KMT2C: variants seen among roughly 807,000 people sequenced by gnomAD.
KMT2C encodes the protein lysine methyltransferase 2C, also known as histone-lysine N-methyltransferase 2C.
Under a neutral mutation model 507.9 loss-of-function variants are expected in KMT2C, and 88 were observed. The ratio of observed to expected loss-of-function variants is 0.17; its 90% CI spans 0.15 to 0.21. The LOEUF is 0.21. Ranked by LOEUF, KMT2C falls within the 10% of genes least tolerant of loss-of-function variation. The probability of loss-of-function intolerance (pLI) is 1.00; values close to 1 mark genes in which losing one functional copy is unlikely to be tolerated. For missense variants in KMT2C, 4,954 were observed against 5,957.8 expected, an observed-to-expected ratio of 0.83 and a Z score of 5.55; for synonymous variants, 2,049 against 2,080.8, an observed-to-expected ratio of 0.98 and a Z score of 0.42.
At chr7:152,280,321 T>A (rs1371718446) in intron 6 of KMT2C, among the ~76,000 whole-genome samples, 1 of 151,494 alleles carries the variant, frequency 6.6e-6, no homozygotes, top group East Asian at 1.9e-4. Flanking sequence ...GGCAGGCGGA[T>A]CACGAGGTCA....
intron 23 of KMT2C, among the ~76,000 whole-genome samples, chr7:152,217,519 C>G (rs1025018051): frequency 5.9e-5 from 9 of 152,160 alleles, no homozygotes; most frequent in African/African-American, 1.9e-4. Flanking sequence ...AGGGACTAGT[C>G]ATGAAAATGC....
intron 2 of KMT2C, among the ~76,000 whole-genome samples, chr7:152,351,654 A>G (rs549364587): frequency 1.2e-4 from 19 of 152,336 alleles, no homozygotes; most frequent in Admixed American, 6.5e-4. Context: ...TAAATTGTGA[A>G]GATTTCACAG....
In KMT2C at chr7:152,182,078, G is replaced by A; in HGVS notation, c.5782C>T (p.Pro1928Ser). ...NSAAPVENCT[P>S]LSSVSRPLQM... Reference sequence around the variant, plus strand: ...AGGGGCCTAGATACCGATGATAAAGGTGTACAGTTTTCCACTGGTGCAGCA... The same window carrying A: ...AGGGGCCTAGATACCGATGATAAAGATGTACAGTTTTCCACTGGTGCAGCA... Residue 1928 changes from proline to serine, a missense_variant, in exon 36 of 59, where the codon CCT (proline) becomes TCT (serine). Transcript: ENST00000262189. 1.2e-6 allele frequency: 2 copies of A among 1,614,194 alleles called. No individual in the cohort carries two copies. The highest frequency in any genetic ancestry group is 1.3e-5 in the African/African-American group (1 of 75,036).
chr7:152,142,258 T>C (rs571328929), intron 55 of KMT2C, among the ~76,000 whole-genome samples: 9 of 152,204 alleles, frequency 5.9e-5, no homozygotes, highest in African/African-American at 1.7e-4. Flanking sequence ...CACTTGCTGG[T>C]AGGCAAAGGA....
chr7:152,303,671 C>A (rs62495467), intron 6 of KMT2C, among the ~76,000 whole-genome samples: 1 of 152,050 alleles, frequency 6.6e-6, no homozygotes, highest in Non-Finnish European at 1.5e-5. Flanking sequence ...CAAACAAACG[C>A]TGCAGATGTT....
intron 3 of KMT2C, among the ~76,000 whole-genome samples, chr7:152,320,043 CTT>C (rs1310543309): frequency 6.6e-6 from 1 of 152,024 alleles, no homozygotes; most frequent in Non-Finnish European, 1.5e-5. Flanking sequence ...GCCCAGCTGT[CTT>C]TTCTTTTATC....
At chr7:152,315,110 T>C (rs773537302) in intron 4 of KMT2C, 28 bp downstream of exon 4, 5 of 1,573,718 alleles carry the variant, frequency 3.2e-6, no homozygotes, top group Non-Finnish European at 4.4e-6. Flanking sequence ...CTTAATCTAT[T>C]CCAACATTTA....
Position 152,187,862 on chromosome 7 carries a change from A to AC in KMT2C, c.4661-16_4661-15insG. On this transcript the variant is annotated splice_polypyrimidine_tract_variant and intron_variant, in intron 31 of 58. Coordinates refer to ENST00000262189, the MANE Select transcript of KMT2C (RefSeq NM_170606.3). ...TGAAAAAGCATCTTCAGAGAAAAAA[A>AC]TAATTCCGTTGGCATGATATTCACA... The AC allele has an allele frequency of 6.2e-7, 1 of 1,612,856 alleles. No homozygotes were observed. Among genetic ancestry groups the AC allele is most frequent in the East Asian group, 2.2e-5 (1 of 44,850 alleles).
In KMT2C at chr7:152,137,075, G is replaced by A. The variant is rs182850642; in HGVS notation, c.14644-151C>T. On this transcript the variant is annotated intron_variant, in intron 58 of 58. Coordinates refer to ENST00000262189, the MANE Select transcript of KMT2C (RefSeq NM_170606.3). ...ATTGAGGTTCCATGGGACCCTGGGG[G>A]AACCCTGAAAAGAGGCATTGTGCTT... The A allele has an allele frequency of 4.9e-3, 3,057 of 625,458 alleles. 20 individuals are homozygous for A. The highest frequency in any genetic ancestry group is 6.7e-3 in the Non-Finnish European group (2,365 of 353,524). The allele number at this position is 625,458 out of a possible 1,614,324, so 38.7% of individuals were successfully genotyped here. A position where few individuals can be genotyped will look rare whatever the true frequency, so the allele number is the denominator to read the frequency against.
At position 152,427,092 on chromosome 7, in the gene KMT2C, T is replaced by C. The variant is rs188984066; in HGVS notation, c.161+8534A>G. ...GTGCAATGGCACGATTTCAGCTCAC[T>C]GCAAACTCTGCCACCCAGGTTCAAG... On this transcript the variant is annotated intron_variant, in intron 1 of 58. Coordinates refer to ENST00000262189, the MANE Select transcript of KMT2C (RefSeq NM_170606.3). 2.2e-3 allele frequency among the ~76,000 whole-genome samples: 336 copies of C among 152,180 alleles called. 3 individuals carry two copies. The highest frequency in any genetic ancestry group is 0.01 in the Middle Eastern group (3 of 294).
chr7:152,297,819 A>C (rs924226954), intron 6 of KMT2C, among the ~76,000 whole-genome samples: 4 of 152,228 alleles, frequency 2.6e-5, no homozygotes, highest in African/African-American at 9.6e-5. Flanking sequence ...AGCAGCAGAC[A>C]ATCATGATGC....
intron 9 of KMT2C, among the ~76,000 whole-genome samples, chr7:152,257,964 T>C (rs2095689426): frequency 6.6e-6 from 1 of 152,172 alleles, no homozygotes; most frequent in East Asian, 1.9e-4. Flanking sequence ...GGACCACATG[T>C]AGCCTGCGGG....
chr7:152,195,655 C>G (rs2093939595), intron 28 of KMT2C: 1 of 581,124 alleles, frequency 1.7e-6, no homozygotes, highest in South Asian at 7.7e-5. Context: ...AAAAAAGATA[C>G]AGCAAGACTT....
chr7:152,418,695 G>T (rs1421166305), intron 1 of KMT2C, among the ~76,000 whole-genome samples: 1 of 152,134 alleles, frequency 6.6e-6, no homozygotes, highest in Non-Finnish European at 1.5e-5. Context: ...CTCCCAAAGG[G>T]CTGGGATTAC....
chr7:152,297,051 A>AAG (rs1356233143), intron 6 of KMT2C, among the ~76,000 whole-genome samples: 4 of 60,240 alleles, frequency 6.6e-5, no homozygotes, highest in East Asian at 8.8e-4. Flanking sequence ...GAAAGAAAGA[A>AAG]AGACAGAGAG....
At chr7:152,298,864 G>A (rs181672307) in intron 6 of KMT2C, among the ~76,000 whole-genome samples, 283 of 152,296 alleles carry the variant, frequency 1.9e-3, no homozygotes, top group African/African-American at 6.5e-3. Flanking sequence ...GTGCACGAGG[G>A]AGGAAAAGAA....
At chr7:152,202,880 A>G (rs1462261066) in intron 26 of KMT2C, 54 bp downstream of exon 26, 2 of 1,377,114 alleles carry the variant, frequency 1.5e-6, no homozygotes, top group African/African-American at 1.5e-5. Context: ...AACTCAATAC[A>G]TTTTATTTCC....
intron 7 of KMT2C, among the ~76,000 whole-genome samples, chr7:152,267,219 G>A (rs368305212): frequency 3.8e-3 from 525 of 138,686 alleles, no homozygotes; most frequent in Middle Eastern, 0.018. Context: ...ATGCCACCAT[G>A]ATTCCTAAAT....
At chr7:152,147,707 C>CAAAAAAAAAAAAAAAA (rs762588729) in intron 52 of KMT2C, among the ~76,000 whole-genome samples, 4 of 46,722 alleles carry the variant, frequency 8.6e-5, no homozygotes, top group African/African-American at 3.2e-4. Flanking sequence ...AACTCCGTCT[C>CAAAAAAAAAAAAAAAA]AAAAAAAAAA....
Sources: allele counts gnomAD v4.1 joint callset (sites outside exome capture counted in the v4.1 genomes callset), GRCh38; gene constraint gnomAD v4.1.1; transcripts MANE v1.5; gene names NCBI Gene and HGNC (gene_info 2026-07-23, HGNC 2026-07-21).